IL6R: variants seen among roughly 807,000 people sequenced by gnomAD.
IL6R encodes the protein interleukin 6 receptor.
In IL6R, 38 loss-of-function variants were observed where a neutral mutation model predicts 48.3. The ratio of observed to expected loss-of-function variants is 0.79; its 90% CI spans 0.61 to 1.03. The LOEUF is 1.03. Ranked by LOEUF, IL6R falls within the 50% of genes least tolerant of loss-of-function variation. IL6R has a pLI of 0.00. For missense variants in IL6R, 534 were observed against 618.3 expected (o/e 0.86, Z 1.45); for synonymous variants, 264 against 256.2 (o/e 1.03, Z -0.29).
intron 5 of IL6R, 31 bp from the exon 6 acceptor site, chr1:154,435,938 C>A: frequency 6.4e-7 from 1 of 1,570,150 alleles, no homozygotes; most frequent in Non-Finnish European, 8.7e-7. Flanking sequence ...TCCTGGATAC[C>A]TCCCCAGAGT....
At chr1:154,420,597 C>T (rs2149219998) in intron 1 of IL6R, among the ~76,000 whole-genome samples, 2 of 151,886 alleles carry the variant, frequency 1.3e-5, no homozygotes, top group Non-Finnish European at 2.9e-5. Flanking sequence ...CAGCTCACTG[C>T]AGCCTTCGAC....
intron 1 of IL6R, among the ~76,000 whole-genome samples, chr1:154,413,405 C>T (rs1688148588): frequency 2.6e-5 from 4 of 152,232 alleles, no homozygotes; most frequent in Non-Finnish European, 4.4e-5. Context: ...AGTGCAAGTA[C>T]ACCTGCAGGA....
chr1:154,425,418 GGT>G (rs1164669268), intron 1 of IL6R, among the ~76,000 whole-genome samples: 1 of 152,094 alleles, frequency 6.6e-6, no homozygotes, highest in African/African-American at 2.4e-5. Flanking sequence ...AGAATGATAG[GGT>G]CACACAACGA....
chr1:154,427,991 A>G (rs1689069787), intron 1 of IL6R, among the ~76,000 whole-genome samples: 2 of 152,290 alleles, frequency 1.3e-5, no homozygotes, highest in East Asian at 3.9e-4. Context: ...ATTTATTGCT[A>G]CTGCTTGCTA....
chr1:154,424,898 T>C (rs1367398191), intron 1 of IL6R, among the ~76,000 whole-genome samples: 1 of 151,972 alleles, frequency 6.6e-6, no homozygotes, highest in Non-Finnish European at 1.5e-5. Context: ...ACAACCGAGC[T>C]CCCCGAGTGA....
Position 154,429,326 on chromosome 1 carries a change from C to T in IL6R, c.216C>T (p.Ser72=). 6.2e-7 allele frequency: 1 copy of T among 1,614,126 alleles called. No homozygotes were observed. The highest frequency in any genetic ancestry group is 8.5e-7 in the Non-Finnish European group (1 of 1,180,020). The change falls in exon 2 of 10, where the codon AGC becomes AGT. Residue 72 remains serine (S), a synonymous_variant. Transcript: ENST00000368485. ...AGCCGGCTGCAGGCTCCCACCCCAGCAGATGGGCTGGCATGGGAAGGAGGC... is the reference window on the plus strand; with the variant it reads ...AGCCGGCTGCAGGCTCCCACCCCAGTAGATGGGCTGGCATGGGAAGGAGGC... ...LRKPAAGSHP[S]RWAGMGRRLL...
chr1:154,458,830 G>T (rs574747132), intron 9 of IL6R, among the ~76,000 whole-genome samples: 48 of 151,896 alleles, frequency 3.2e-4, no homozygotes, highest in African/African-American at 1.1e-3. Flanking sequence ...GAACCCGGGA[G>T]GCAGAGGTTG....
At chr1:154,439,459 C>T (rs1689814401) in intron 6 of IL6R, among the ~76,000 whole-genome samples, 1 of 152,058 alleles carries the variant, frequency 6.6e-6, no homozygotes, top group African/African-American at 2.4e-5. Context: ...GGACTACAGG[C>T]ACCTGCCACC....
chr1:154,406,620 G>A (rs1257758645), intron 1 of IL6R: 2 of 152,236 alleles, frequency 1.3e-5, no homozygotes, highest in African/African-American at 4.8e-5. Context: ...CAGCTGACAG[G>A]CTTCTGGAAC....
At chr1:154,432,126 C>T (rs1330006540) in intron 3 of IL6R, among the ~76,000 whole-genome samples, 1 of 152,138 alleles carries the variant, frequency 6.6e-6, no homozygotes. Flanking sequence ...TTTGTTCTGT[C>T]CTCTATGATG....
intron 1 of IL6R, among the ~76,000 whole-genome samples, chr1:154,409,361 TCTG>T: frequency 6.6e-6 from 1 of 152,252 alleles, no homozygotes; most frequent in Non-Finnish European, 1.5e-5. Context: ...CCCTCTGCCT[TCTG>T]CTCTCCTCCA....
Position 154,415,139 on chromosome 1 carries a change from G to A in IL6R, c.85+9425G>A, listed in dbSNP as rs750417158. 62 of 920,904 alleles carry A rather than the reference G, an allele frequency of 6.7e-5. No homozygotes were observed. The Middle Eastern group carries it at 6.8e-4, about 10-fold the overall frequency. 57.0% of individuals were successfully genotyped at this position (920,904 alleles called of 1,614,324 possible). On this transcript the variant is annotated intron_variant, in intron 1 of 9. Coordinates refer to ENST00000368485, the MANE Select transcript of IL6R (RefSeq NM_000565.4). ...CGCCCTTGAGTTGCTTGTACTTGCCGTCCTCAGCCTGCAGGACAGGGCCCT... is the reference window on the plus strand; with the variant it reads ...CGCCCTTGAGTTGCTTGTACTTGCCATCCTCAGCCTGCAGGACAGGGCCCT...
intron 8 of IL6R, among the ~76,000 whole-genome samples, chr1:154,453,455 C>G (rs1347599021): frequency 1.3e-5 from 2 of 152,172 alleles, no homozygotes; most frequent in Non-Finnish European, 1.5e-5. Context: ...GTAGAAGAGC[C>G]TGAATGCTGG....
intron 8 of IL6R, among the ~76,000 whole-genome samples, chr1:154,451,137 TG>T (rs1411508809): frequency 1.3e-5 from 2 of 152,220 alleles, no homozygotes; most frequent in African/African-American, 4.8e-5. Flanking sequence ...TATATCAAGC[TG>T]AGCAGTCACA....
At chr1:154,453,713 G>A (rs1690718391) in intron 8 of IL6R, among the ~76,000 whole-genome samples, 1 of 152,180 alleles carries the variant, frequency 6.6e-6, no homozygotes, top group African/African-American at 2.4e-5. Context: ...CCTGCCTTCA[G>A]GGAACTCAGT....
chr1:154,442,920 C>T (rs4845372), intron 6 of IL6R, among the ~76,000 whole-genome samples: 4 of 151,752 alleles, frequency 2.6e-5, no homozygotes, highest in South Asian at 2.1e-4. Flanking sequence ...GCATGCATCA[C>T]GATGCCCAGC....
At chr1:154,443,907 T>C (rs1210025945) in intron 6 of IL6R, among the ~76,000 whole-genome samples, 1 of 152,004 alleles carries the variant, frequency 6.6e-6, no homozygotes, top group African/African-American at 2.4e-5. Flanking sequence ...CCCTCACAGA[T>C]CTCCCTGCCC....
chr1:154,465,269 G>A lies in IL6R; in HGVS notation c.1296G>A (p.Val432=). 6.2e-7 allele frequency: 1 copy of A among 1,614,144 alleles called. No homozygotes were observed. The highest frequency in any genetic ancestry group is 2.2e-5 in the East Asian group (1 of 44,868). ...PVLVPLISPP[V]SPSSLGSDNT... ...TTGTTCCTCTCATCTCCCCACCGGT[G>A]TCCCCCAGCAGCCTGGGGTCTGACA... The change falls in exon 10 of 10, where the codon GTG becomes GTA. Residue 432 remains valine (V), a synonymous_variant. Coordinates refer to ENST00000368485, the MANE Select transcript of IL6R (RefSeq NM_000565.4).
chr1:154,421,748 T>C (rs537751007), intron 1 of IL6R, among the ~76,000 whole-genome samples: 2 of 152,070 alleles, frequency 1.3e-5, no homozygotes, highest in Non-Finnish European at 2.9e-5. Flanking sequence ...GCCTCCCAGA[T>C]AGCTGGGACC....
Sources: allele counts gnomAD v4.1 joint callset (sites outside exome capture counted in the v4.1 genomes callset), GRCh38; gene constraint gnomAD v4.1.1; transcripts MANE v1.5; gene names NCBI Gene and HGNC (gene_info 2026-07-23, HGNC 2026-07-21).